SYT16: variants seen among roughly 807,000 people sequenced by gnomAD.
SYT16 encodes synaptotagmin 16.
SYT16 carries 42 observed loss-of-function variants against 61.4 expected under a neutral mutation model. The ratio of observed to expected loss-of-function variants is 0.68; its 90% CI spans 0.53 to 0.89. The LOEUF (loss-of-function observed/expected upper bound fraction) is 0.89. Among genes scored for constraint, SYT16 ranks in the 40% least tolerant of loss-of-function variants. The probability of loss-of-function intolerance (pLI) is 0.00; values close to 1 mark genes in which losing one functional copy is unlikely to be tolerated. For missense variants in SYT16, 804 were observed against 807.3 expected, an observed-to-expected ratio of 1.00 and a Z score of 0.05; for synonymous variants, 314 against 302.3, an observed-to-expected ratio of 1.04 and a Z score of -0.40.
chr14:61,865,645 G>T (rs1371096180), intron 1 of SYT16, among the ~76,000 whole-genome samples: 1 of 152,182 alleles, frequency 6.6e-6, no homozygotes, highest in Non-Finnish European at 1.5e-5. Context: ...AGGAGCTGGA[G>T]ATTCTACAGT....
chr14:61,955,394 C>A (rs147590261), intron 1 of SYT16, among the ~76,000 whole-genome samples: 1 of 152,118 alleles, frequency 6.6e-6, no homozygotes, highest in Admixed American at 6.5e-5. Flanking sequence ...ATCTCCAGAT[C>A]TTATTTAGTT....
At chr14:62,075,439 C>T (rs1307523725) in intron 5 of SYT16, 48 bp downstream of exon 5, 1 of 1,536,356 alleles carries the variant, frequency 6.5e-7, no homozygotes, top group Non-Finnish European at 8.8e-7. Flanking sequence ...TTCCCCTTCC[C>T]CTCTTTCCAC....
At chr14:61,871,880 A>G (rs1293208373) in intron 1 of SYT16, among the ~76,000 whole-genome samples, 1 of 152,172 alleles carries the variant, frequency 6.6e-6, no homozygotes, top group Non-Finnish European at 1.5e-5. Flanking sequence ...TGTTGGTAAA[A>G]TGAGACTTTG....
intron 1 of SYT16, among the ~76,000 whole-genome samples, chr14:61,952,286 A>G (rs1180062056): frequency 2.6e-5 from 4 of 152,202 alleles, no homozygotes; most frequent in South Asian, 2.1e-4. Flanking sequence ...CTGGTTTTCT[A>G]TTCTCTTCCC....
rs554926360 is a variant in SYT16 at position 61,995,653 on chromosome 14, C to G, written c.-144-223C>G. Among the ~76,000 whole-genome samples, 8 of 152,176 alleles carry G rather than the reference C, an allele frequency of 5.3e-5. 1 individual carries two copies. The South Asian group carries it at 1.7e-3, about 32-fold the overall frequency. On this transcript the variant is annotated intron_variant, in intron 2 of 7. Coordinates refer to ENST00000683842, the MANE Select transcript of SYT16 (RefSeq NM_001367656.1). ...CTTCTCTCAGTCCACGTGAACAGAA[C>G]CCATTACTGCTAATGGAAGTTTTCC... is the stretch of plus-strand genomic sequence containing the variant.
chr14:62,043,275 T>C (rs1166815996), intron 3 of SYT16, among the ~76,000 whole-genome samples: 1 of 152,136 alleles, frequency 6.6e-6, no homozygotes, highest in Non-Finnish European at 1.5e-5. Context: ...CTCTGAGGAA[T>C]GCTAAAGTTT....
chr14:61,854,326 A>C (rs1414623394), intron 1 of SYT16, among the ~76,000 whole-genome samples: 1 of 152,250 alleles, frequency 6.6e-6, no homozygotes, highest in Non-Finnish European at 1.5e-5. Context: ...TAATTTGTTG[A>C]ATGAAAAAAT....
intron 1 of SYT16, among the ~76,000 whole-genome samples, chr14:61,858,859 CT>C (rs541030567): frequency 0.056 from 7,764 of 138,792 alleles, 202 homozygotes; most frequent in Non-Finnish European, 0.073. Context: ...CTTTTCTTTT[CT>C]TTTTTTTTTT....
At chr14:62,099,009 G>T (rs548722490) in intron 7 of SYT16, among the ~76,000 whole-genome samples, 2 of 152,276 alleles carry the variant, frequency 1.3e-5, no homozygotes, top group South Asian at 4.1e-4. Context: ...GAACAAATTG[G>T]GTTGGAGGAG....
Position 61,827,536 on chromosome 14 carries a change from C to G in SYT16, c.-325+14726C>G, listed in dbSNP as rs966890463. Among the ~76,000 whole-genome samples, 12 of 152,152 alleles carry G rather than the reference C, an allele frequency of 7.9e-5. 2 individuals carry two copies. Among genetic ancestry groups the G allele is most frequent in the Non-Finnish European group, 1.8e-4 (12 of 68,024 alleles). On this transcript the variant is annotated intron_variant, in intron 1 of 7. Transcript: ENST00000683842. ...AGCAATAGAGATAAAAGCATGTGTT[C>G]AGTCTGCCATTTTACACTGGAAATG...
At chr14:61,936,323 GA>G (rs540269164) in intron 1 of SYT16, among the ~76,000 whole-genome samples, 41 of 152,058 alleles carry the variant, frequency 2.7e-4, no homozygotes, top group African/African-American at 9.4e-4. Flanking sequence ...TCCCAGCAAA[GA>G]AAAAAGTACT....
chr14:61,851,393 T>C (rs146954283), intron 1 of SYT16, among the ~76,000 whole-genome samples: 77 of 152,328 alleles, frequency 5.1e-4, no homozygotes, highest in African/African-American at 1.7e-3. Context: ...ATCTTTATAA[T>C]AGAATGATGT....
chr14:62,105,108 T>A lies in SYT16; in HGVS notation c.*4401T>A. Reference sequence around the variant, plus strand: ...ACAGCCTAATCAGAGATAAGCCTGGTATGTGGAGGAAATTGAGCCTTAATA... The same window carrying A: ...ACAGCCTAATCAGAGATAAGCCTGGAATGTGGAGGAAATTGAGCCTTAATA... On this transcript the variant is annotated 3_prime_UTR_variant, in exon 8 of 8. Transcript: ENST00000683842. The A allele has an allele frequency of 6.6e-6, 1 of 152,144 alleles. No individual in the cohort carries two copies. Among genetic ancestry groups the A allele is most frequent in the South Asian group, 2.1e-4 (1 of 4,826 alleles). The allele number at this position is 152,144 out of a possible 1,614,324, so 9.4% of individuals were successfully genotyped here.
intron 2 of SYT16, among the ~76,000 whole-genome samples, chr14:61,983,377 T>A (rs2052167815): frequency 1.3e-5 from 2 of 152,146 alleles, no homozygotes; most frequent in Non-Finnish European, 2.9e-5. Flanking sequence ...CACTTTGAGG[T>A]TTAATGAAAA....
At chr14:62,069,193 T>G (rs1420876085) in intron 3 of SYT16, among the ~76,000 whole-genome samples, 1 of 152,220 alleles carries the variant, frequency 6.6e-6, no homozygotes, top group Non-Finnish European at 1.5e-5. Flanking sequence ...TTTTAATAAA[T>G]GAGATTAGAT....
chr14:61,979,101 A>G (rs1477058645), intron 2 of SYT16, among the ~76,000 whole-genome samples: 1 of 152,206 alleles, frequency 6.6e-6, no homozygotes, highest in Non-Finnish European at 1.5e-5. Flanking sequence ...ATAAGGAAGA[A>G]TAATGACAAA....
At chr14:62,032,580 G>T (rs1241501897) in intron 3 of SYT16, among the ~76,000 whole-genome samples, 2 of 151,950 alleles carry the variant, frequency 1.3e-5, no homozygotes, top group South Asian at 2.1e-4. Flanking sequence ...TTCACATAGG[G>T]TAATGATACT....
intron 5 of SYT16, among the ~76,000 whole-genome samples, chr14:62,075,706 T>A (rs976619500): frequency 6.6e-6 from 1 of 152,112 alleles, no homozygotes; most frequent in Non-Finnish European, 1.5e-5. Context: ...TTTTATAGAC[T>A]TAATTTTAAA....
At chr14:61,963,172 C>T (rs2051181424) in intron 1 of SYT16, among the ~76,000 whole-genome samples, 1 of 152,092 alleles carries the variant, frequency 6.6e-6, no homozygotes, top group Admixed American at 6.6e-5. Flanking sequence ...AATTAACAAC[C>T]CTCCAATGGC....
Sources: gnomAD v4.1 joint callset for allele counts (sites outside exome capture counted in the v4.1 genomes callset) on GRCh38, gnomAD v4.1.1 for gene constraint, MANE v1.5 for transcripts, NCBI Gene and HGNC (gene_info 2026-07-23, HGNC 2026-07-21) for gene names.